MICAL3: variants seen among roughly 807,000 people sequenced by gnomAD.
MICAL3 encodes the protein microtubule associated monooxygenase, calponin and LIM domain containing 3.
In MICAL3, 62 loss-of-function variants were observed where a neutral mutation model predicts 207.4. The observed-to-expected ratio is 0.30, with a 90% CI of 0.24 to 0.37. MICAL3 has a LOEUF of 0.37. Ranked by LOEUF, MICAL3 falls within the 10% of genes least tolerant of loss-of-function variation. The pLI is 1.00. For missense variants in MICAL3, 2,368 were observed against 2,635.6 expected (o/e 0.90, Z 2.22); for synonymous variants, 1,077 against 1,069.3 (o/e 1.01, Z -0.14).
chr22:17,806,215 T>G (rs924970415), intron 29 of MICAL3, among the ~76,000 whole-genome samples: 5 of 152,160 alleles, frequency 3.3e-5, no homozygotes, highest in Admixed American at 1.3e-4. Context: ...TTATTTAAAT[T>G]CTGGCCTGCA....
chr22:17,917,371 C>T (rs1242375463), intron 1 of MICAL3, among the ~76,000 whole-genome samples: 1 of 152,144 alleles, frequency 6.6e-6, no homozygotes, highest in East Asian at 1.9e-4. Context: ...ACACTCAACC[C>T]AAAACCTTGC....
At chr22:17,879,728 TAGA>T (rs2146205024) in intron 16 of MICAL3, among the ~76,000 whole-genome samples, 1 of 152,290 alleles carries the variant, frequency 6.6e-6, no homozygotes, top group East Asian at 1.9e-4. Context: ...ATGGAAGGTT[TAGA>T]AGGAGAGGCA....
chr22:17,901,202 A>G (rs1931290770), intron 5 of MICAL3, among the ~76,000 whole-genome samples: 1 of 152,238 alleles, frequency 6.6e-6, no homozygotes, highest in Non-Finnish European at 1.5e-5. Flanking sequence ...CAAAGTCTCC[A>G]TTAACAAACA....
intron 1 of MICAL3, among the ~76,000 whole-genome samples, chr22:18,003,561 C>G (rs1392366930): frequency 6.6e-6 from 1 of 152,182 alleles, no homozygotes; most frequent in Non-Finnish European, 1.5e-5. Flanking sequence ...GTGCTTTCAT[C>G]CACACTACAA....
chr22:17,829,718 G>C (rs1026462283), intron 21 of MICAL3, among the ~76,000 whole-genome samples: 1 of 152,294 alleles, frequency 6.6e-6, no homozygotes, highest in South Asian at 2.1e-4. Flanking sequence ...AACATTAAAG[G>C]CACCTGCACT....
Position 17,965,953 on chromosome 22 carries a change from T to A in MICAL3, c.-75+58328A>T, listed in dbSNP as rs543127754. ...CCAACCACCACGGGACCAACCACCG[T>A]GGGACTTCCATGTAGACAGCTGTTC... On this transcript the variant is annotated intron_variant, in intron 1 of 31. Coordinates refer to ENST00000441493, the MANE Select transcript of MICAL3 (RefSeq NM_015241.3). Among the ~76,000 whole-genome samples, 4 of 152,298 alleles carry A rather than the reference T, an allele frequency of 2.6e-5. No homozygotes were observed. In the East Asian group the frequency reaches 7.7e-4, roughly 29 times the overall value.
intron 1 of MICAL3, among the ~76,000 whole-genome samples, chr22:17,988,914 T>TC (rs1040225759): frequency 1.1e-4 from 17 of 152,286 alleles, no homozygotes; most frequent in African/African-American, 3.9e-4. Context: ...GTGGCTGCCT[T>TC]CACACAACAG....
At chr22:17,967,554 G>A (rs1027041823) in intron 1 of MICAL3, among the ~76,000 whole-genome samples, 1 of 151,982 alleles carries the variant, frequency 6.6e-6, no homozygotes, top group African/African-American at 2.4e-5. Flanking sequence ...TCAGAAGAGA[G>A]GTAAAGGTTA....
intron 7 of MICAL3, among the ~76,000 whole-genome samples, chr22:17,897,390 T>C (rs958163930): frequency 9.3e-5 from 11 of 118,078 alleles, no homozygotes; most frequent in African/African-American, 3.4e-4. Flanking sequence ...ACCACTGCAC[T>C]CCAGCCTAGG....
At chr22:17,894,741 G>A (rs1930679079) in intron 10 of MICAL3, among the ~76,000 whole-genome samples, 1 of 148,952 alleles carries the variant, frequency 6.7e-6, no homozygotes. Flanking sequence ...AGGCTGCAGT[G>A]AGCCAAGATC....
rs528298492 is a variant in MICAL3 at position 17,917,622 on chromosome 22, T to C, written c.-74-10736A>G. 8.5e-5 allele frequency among the ~76,000 whole-genome samples: 13 copies of C among 152,286 alleles called. No homozygotes were observed. In the East Asian group the frequency reaches 2.1e-3, roughly 25 times the overall value. On this transcript the variant is annotated intron_variant, in intron 1 of 31. Transcript: ENST00000441493. ...CCATTTAAAACACCCATCAGACACGTTGACTGCCACATCCCAGCCCCAGGT... is the reference window on the plus strand; with the variant it reads ...CCATTTAAAACACCCATCAGACACGCTGACTGCCACATCCCAGCCCCAGGT...
intron 1 of MICAL3, among the ~76,000 whole-genome samples, chr22:17,971,788 T>G (rs1935424109): frequency 6.6e-6 from 1 of 152,182 alleles, no homozygotes; most frequent in Non-Finnish European, 1.5e-5. Context: ...CCCTGGCCCT[T>G]CAGGTGGTAA....
chr22:17,980,907 G>A (rs752615245), intron 1 of MICAL3: 3 of 533,322 alleles, frequency 5.6e-6, no homozygotes, highest in South Asian at 2.8e-5. Context: ...CTGCACTTTC[G>A]CTGGGCCTGC....
intron 1 of MICAL3, among the ~76,000 whole-genome samples, 178 bp downstream of exon 1, chr22:18,024,103 G>C (rs1924652516): frequency 6.6e-6 from 1 of 152,240 alleles, no homozygotes; most frequent in Non-Finnish European, 1.5e-5. Context: ...CCCACTAGGG[G>C]AGAGAGGGCT....
chr22:17,803,857 A>G (rs914332628), intron 29 of MICAL3: 12 of 985,622 alleles, frequency 1.2e-5, no homozygotes, highest in Admixed American at 1.2e-4. Flanking sequence ...ACTCTCCCCA[A>G]TAGTCTACAA....
intron 22 of MICAL3, 115 bp downstream of exon 22, chr22:17,827,528 TC>T: frequency 8.9e-7 from 1 of 1,129,488 alleles, no homozygotes; most frequent in South Asian, 1.8e-5. Context: ...TGCGCCTGGC[TC>T]CCGTGTGTGA....
chr22:17,877,120 A>C (rs1357707805), intron 16 of MICAL3, among the ~76,000 whole-genome samples: 2 of 135,252 alleles, frequency 1.5e-5, no homozygotes, highest in African/African-American at 2.8e-5. Context: ...GAGGTTAGGG[A>C]GGTTATGGAG....
chr22:17,966,938 A>G (rs1424021537), intron 1 of MICAL3, among the ~76,000 whole-genome samples: 2 of 152,232 alleles, frequency 1.3e-5, no homozygotes, highest in Non-Finnish European at 2.9e-5. Flanking sequence ...AGAAAGTGAA[A>G]TAGCAGATGG....
intron 1 of MICAL3, among the ~76,000 whole-genome samples, chr22:17,922,434 G>A (rs1318089604): frequency 1.3e-5 from 2 of 152,164 alleles, no homozygotes; most frequent in Non-Finnish European, 2.9e-5. Context: ...AGAAGGACCA[G>A]GAAGCAGCCA....
Sources: allele counts gnomAD v4.1 joint callset (sites outside exome capture counted in the v4.1 genomes callset), GRCh38; gene constraint gnomAD v4.1.1; transcripts MANE v1.5; gene names NCBI Gene and HGNC (gene_info 2026-07-23, HGNC 2026-07-21).